TAFA2: variants seen among roughly 807,000 people sequenced by gnomAD.
The protein encoded by TAFA2 is chemokine-like protein TAFA-2.
In TAFA2, 7 loss-of-function variants were observed where a neutral mutation model predicts 18.8. The observed-to-expected ratio is 0.37, with a 90% CI of 0.21 to 0.70. The LOEUF is 0.70. Ranked by LOEUF, TAFA2 falls within the 30% of genes least tolerant of loss-of-function variation. The probability of loss-of-function intolerance (pLI) is 0.53; values close to 1 mark genes in which losing one functional copy is unlikely to be tolerated. For missense variants in TAFA2, 122 were observed against 158.1 expected, an observed-to-expected ratio of 0.77 and a Z score of 1.23; for synonymous variants, 60 against 54.2, an observed-to-expected ratio of 1.11 and a Z score of -0.47.
rs565721378 is a variant in TAFA2 at position 61,725,529 on chromosome 12, GTTGAATAGGGTGTCCTTTCCCCACTTTA to G, written c.385-15140_385-15113del. Among the ~76,000 whole-genome samples, 870 of 152,012 alleles carry G rather than the reference GTTGAATAGGGTGTCCTTTCCCCACTTTA, an allele frequency of 5.7e-3. 7 individuals carry two copies. The highest frequency in any genetic ancestry group is 0.02 in the African/African-American group (827 of 41,506). Reference sequence around the variant, plus strand: ...CTTGCCAGTTATCCCAGCACCATTTGTTGAATAGGGTGTCCTTTCCCCACTTTATGCTTTTGTTTGCTTTGTCAAAGAT... The same window carrying G: ...CTTGCCAGTTATCCCAGCACCATTTGTGCTTTTGTTTGCTTTGTCAAAGAT... On this transcript the variant is annotated intron_variant, in intron 4 of 4. Coordinates refer to ENST00000416284, the MANE Select transcript of TAFA2 (RefSeq NM_178539.5).
intron 1 of TAFA2, among the ~76,000 whole-genome samples, chr12:61,974,381 C>G (rs1468174234): frequency 6.6e-6 from 1 of 151,614 alleles, no homozygotes; most frequent in African/African-American, 2.4e-5. Flanking sequence ...AGTTTCTGGC[C>G]ACTTTTTGGT....
intron 2 of TAFA2, among the ~76,000 whole-genome samples, chr12:61,831,129 A>G (rs528279207): frequency 6.6e-6 from 1 of 152,200 alleles, no homozygotes; most frequent in South Asian, 2.1e-4. Context: ...GGATAGTAAC[A>G]TCTACTTTGC....
intron 4 of TAFA2, among the ~76,000 whole-genome samples, chr12:61,715,506 G>A (rs1173308142): frequency 3.3e-5 from 5 of 151,630 alleles, no homozygotes; most frequent in African/African-American, 4.9e-5. Flanking sequence ...CCACCACCAC[G>A]CCCAGCTAAT....
intron 1 of TAFA2, among the ~76,000 whole-genome samples, chr12:62,011,751 TAAAAAAA>T (rs202026493): frequency 3.9e-5 from 4 of 102,886 alleles, no homozygotes; most frequent in East Asian, 2.4e-4. Flanking sequence ...CAATAAATAC[TAAAAAAA>T]AAAAAAAAAA....
intron 1 of TAFA2, among the ~76,000 whole-genome samples, chr12:61,934,399 C>T (rs959001915): frequency 3.9e-5 from 6 of 152,202 alleles, no homozygotes; most frequent in Non-Finnish European, 8.8e-5. Flanking sequence ...AAAGCCTAAT[C>T]TTCACCACCA....
chr12:61,764,976 G>A (rs532215524), intron 2 of TAFA2, among the ~76,000 whole-genome samples: 62 of 152,176 alleles, frequency 4.1e-4, no homozygotes, highest in African/African-American at 1.4e-3. Flanking sequence ...ATAGGACAGT[G>A]GATTGGCTGA....
intron 1 of TAFA2, among the ~76,000 whole-genome samples, chr12:62,037,830 T>C (rs1286121929): frequency 6.6e-6 from 1 of 152,190 alleles, no homozygotes; most frequent in African/African-American, 2.4e-5. Flanking sequence ...TGACAGATGA[T>C]TTAACAGTCT....
At chr12:61,879,892 G>C in intron 1 of TAFA2, 1 of 907,454 alleles carries the variant, frequency 1.1e-6, no homozygotes, top group South Asian at 1.3e-5. Context: ...CAGAGATGGA[G>C]AATGAATTTG....
intron 1 of TAFA2, among the ~76,000 whole-genome samples, chr12:61,996,122 G>A (rs1018597555): frequency 2.6e-5 from 4 of 151,856 alleles, no homozygotes; most frequent in Admixed American, 1.3e-4. Flanking sequence ...ATGACTATAG[G>A]ATAATGCTAA....
intron 1 of TAFA2, among the ~76,000 whole-genome samples, chr12:62,184,710 G>A (rs1490535421): frequency 1.3e-5 from 2 of 151,094 alleles, no homozygotes; most frequent in South Asian, 2.1e-4. Context: ...CATGTTGCCC[G>A]GATGGTCTTG....
intron 1 of TAFA2, among the ~76,000 whole-genome samples, chr12:62,010,881 C>T (rs1179961690): frequency 2.2e-5 from 2 of 91,622 alleles, no homozygotes; most frequent in African/African-American, 8.5e-5. Context: ...GGCCGCCCTT[C>T]GTCTGGGAGG....
At chr12:62,109,088 T>C (rs1869601802) in intron 1 of TAFA2, among the ~76,000 whole-genome samples, 1 of 152,246 alleles carries the variant, frequency 6.6e-6, no homozygotes, top group Admixed American at 6.5e-5. Context: ...GCCTAGGTTT[T>C]CTTCTAGGAT....
intron 2 of TAFA2, among the ~76,000 whole-genome samples, chr12:61,860,173 T>C (rs761882372): frequency 5.6e-4 from 86 of 152,348 alleles, no homozygotes; most frequent in Non-Finnish European, 1.0e-3. Flanking sequence ...TGTCCAAATG[T>C]TGTTTAATAA....
chr12:61,775,021 C>G (rs1244619967), intron 2 of TAFA2, among the ~76,000 whole-genome samples: 1 of 151,642 alleles, frequency 6.6e-6, no homozygotes, highest in East Asian at 2.0e-4. Flanking sequence ...ATTTAGCAAA[C>G]ACATCACGAG....
At chr12:61,936,403 A>G (rs1407343013) in intron 1 of TAFA2, among the ~76,000 whole-genome samples, 1 of 151,852 alleles carries the variant, frequency 6.6e-6, no homozygotes, top group Admixed American at 6.6e-5. Context: ...CCTGTCTCTA[A>G]CTAAAAATAC....
In TAFA2 at chr12:61,987,759, G is replaced by A. The variant is rs111594706; in HGVS notation, c.-1-120333C>T. Among the ~76,000 whole-genome samples the A allele has an allele frequency of 2.7e-3, 412 of 152,214 alleles. 2 individuals are homozygous for A. Among genetic ancestry groups the A allele is most frequent in the African/African-American group, 8.0e-3 (331 of 41,534 alleles). On this transcript the variant is annotated intron_variant, in intron 1 of 4. Coordinates refer to ENST00000416284, the MANE Select transcript of TAFA2 (RefSeq NM_178539.5). Reference sequence around the variant, plus strand: ...TTAAATAAGGTAACATCTTACAAAAGGTCTCTTTTGTGGAAGGAAGTGAAC... The same window carrying A: ...TTAAATAAGGTAACATCTTACAAAAAGTCTCTTTTGTGGAAGGAAGTGAAC...
intron 1 of TAFA2, among the ~76,000 whole-genome samples, chr12:61,912,987 G>T (rs73131668): frequency 0.017 from 2,570 of 152,228 alleles, 35 homozygotes; most frequent in Non-Finnish European, 0.025. Context: ...AGAAGGTCTG[G>T]TGAAAACCAT....
At chr12:61,986,818 A>C (rs1353844083) in intron 1 of TAFA2, among the ~76,000 whole-genome samples, 1 of 152,168 alleles carries the variant, frequency 6.6e-6, no homozygotes, top group South Asian at 2.1e-4. Context: ...AATAATTCAA[A>C]TTTGAAATAA....
At chr12:61,829,221 C>T (rs1872629525) in intron 2 of TAFA2, among the ~76,000 whole-genome samples, 2 of 151,650 alleles carry the variant, frequency 1.3e-5, no homozygotes, top group Admixed American at 1.3e-4. Context: ...TTGGCTCCAA[C>T]CTTGATTTTA....
Sources: allele counts gnomAD v4.1 joint callset (sites outside exome capture counted in the v4.1 genomes callset), GRCh38; gene constraint gnomAD v4.1.1; transcripts MANE v1.5; gene names NCBI Gene and HGNC (gene_info 2026-07-23, HGNC 2026-07-21).